LARP1: variants seen among roughly 807,000 people sequenced by gnomAD.
LARP1 encodes La ribonucleoprotein 1, translational regulator, also known as la-related protein 1.
Under a neutral mutation model 122.7 loss-of-function variants are expected in LARP1, and 36 were observed. The ratio of observed to expected loss-of-function variants is 0.29; its 90% CI spans 0.22 to 0.39. The LOEUF (loss-of-function observed/expected upper bound fraction) is 0.39, where lower values mean the gene tolerates loss of function less well. Among genes scored for constraint, LARP1 ranks in the 10% least tolerant of loss-of-function variants. LARP1 has a pLI of 1.00. For missense variants in LARP1, 1,040 were observed against 1,403.6 expected, an observed-to-expected ratio of 0.74 and a Z score of 4.14; for synonymous variants, 539 against 528.7, an observed-to-expected ratio of 1.02 and a Z score of -0.27.
At chr5:154,792,002 A>G (rs1247028822) in intron 3 of LARP1, 1 of 455,492 alleles carries the variant, frequency 2.2e-6, no homozygotes, top group Non-Finnish European at 4.4e-6. Flanking sequence ...CCAAGTGGGG[A>G]TTGGAAGTCA....
chr5:154,786,993 C>T (rs1267862452), intron 1 of LARP1, among the ~76,000 whole-genome samples: 1 of 152,094 alleles, frequency 6.6e-6, no homozygotes, highest in African/African-American at 2.4e-5. Flanking sequence ...GATTCTCCCA[C>T]CTCAGCCTCC....
chr5:154,723,508 G>A (rs187076080), intron 1 of LARP1, among the ~76,000 whole-genome samples: 4 of 152,280 alleles, frequency 2.6e-5, no homozygotes, highest in Admixed American at 1.3e-4. Flanking sequence ...TTTAGGGGTG[G>A]TATAGGCAAA....
chr5:154,739,201 T>C (rs1757082461), intron 1 of LARP1, among the ~76,000 whole-genome samples: 1 of 152,020 alleles, frequency 6.6e-6, no homozygotes, highest in South Asian at 2.1e-4. Context: ...ATTTTTTTTT[T>C]AGTAGAGACG....
At chr5:154,740,105 A>AT (rs962820992) in intron 1 of LARP1, among the ~76,000 whole-genome samples, 4 of 150,396 alleles carry the variant, frequency 2.7e-5, no homozygotes, top group African/African-American at 9.8e-5. Context: ...AAAAAAAAAA[A>AT]AAATAGCTGG....
At chr5:154,772,948 T>A (rs867059092) in intron 1 of LARP1, among the ~76,000 whole-genome samples, 2 of 150,742 alleles carry the variant, frequency 1.3e-5, no homozygotes, top group African/African-American at 2.4e-5. Flanking sequence ...CCCAAAGTGC[T>A]GGGATTACAG....
intron 1 of LARP1, among the ~76,000 whole-genome samples, chr5:154,745,474 TG>T (rs984370786): frequency 2.0e-5 from 3 of 152,208 alleles, no homozygotes; most frequent in African/African-American, 7.2e-5. Context: ...CTAAGTACTT[TG>T]GGTGTATTAA....
At chr5:154,739,698 T>C (rs1418535015) in intron 1 of LARP1, among the ~76,000 whole-genome samples, 3 of 152,148 alleles carry the variant, frequency 2.0e-5, no homozygotes, top group Non-Finnish European at 2.9e-5. Flanking sequence ...CATACCCAGC[T>C]ACGTTGGCTG....
At chr5:154,806,339 G>C (rs1222929160) in intron 15 of LARP1, among the ~76,000 whole-genome samples, 1 of 152,168 alleles carries the variant, frequency 6.6e-6, no homozygotes, top group Non-Finnish European at 1.5e-5. Context: ...GTCAGGTCTA[G>C]TCCACTGTCC....
intron 1 of LARP1, among the ~76,000 whole-genome samples, chr5:154,769,871 G>A (rs1368645894): frequency 6.6e-6 from 1 of 152,174 alleles, no homozygotes; most frequent in Non-Finnish European, 1.5e-5. Context: ...GGATTGATAA[G>A]GAGACTGGTG....
intron 8 of LARP1, among the ~76,000 whole-genome samples, chr5:154,798,306 A>C (rs371866939): frequency 6.6e-6 from 1 of 152,250 alleles, no homozygotes; most frequent in East Asian, 1.9e-4. Context: ...AGAAAAAAGC[A>C]AATGCCTCTA....
In LARP1 at chr5:154,803,350, AC is replaced by A; in HGVS notation, c.2174del (p.Pro725LeufsTer80). On this transcript the variant is annotated frameshift_variant, in exon 12 of 19. Transcript: ENST00000518297. LOFTEE classifies it high-confidence loss of function. This position sits in a 1 kb window ranked among gnomAD's most constrained non-coding sequence, Gnocchi z 4.4. The stretch of plus-strand genomic sequence containing the variant: ...CAGCCGGGAGCAGTTTGACACACTG[AC>A]CCCTGAGCCCCCTGTGGATCCCAAC... ...MISREQFDTL[T>X]PEPPVDPNQE... is the part of the protein sequence containing the mutation. The A allele has an allele frequency of 6.2e-7, 1 of 1,613,918 alleles. No homozygotes were observed. The highest frequency in any genetic ancestry group is 8.5e-7 in the Non-Finnish European group (1 of 1,179,964).
chr5:154,752,917 C>T (rs1427260418), upstream of LARP1, among the ~76,000 whole-genome samples: 1 of 151,262 alleles, frequency 6.6e-6, no homozygotes, highest in African/African-American at 2.4e-5. Context: ...CCAGCCTGGG[C>T]GACAGAGTAA....
At chr5:154,713,274 T>C in intron 1 of LARP1, 1 of 641,202 alleles carries the variant, frequency 1.6e-6, no homozygotes, top group Non-Finnish European at 2.7e-6. Flanking sequence ...TCTCTGAACC[T>C]CACATTCCCC....
chr5:154,757,767 T>C (rs570187380), intron 1 of LARP1, among the ~76,000 whole-genome samples: 2 of 151,210 alleles, frequency 1.3e-5, no homozygotes, highest in African/African-American at 4.8e-5. Flanking sequence ...CAGTCCTTCA[T>C]ACTGTGTTCT....
rs1200935991 is a variant in LARP1 at position 154,816,715 on chromosome 5, G to A, written c.*2619G>A. Reference sequence around the variant, plus strand: ...CACTTCACACCTACCATCGTCCCATGGGGATCCAAGACCTGAGATAAAGCA... The same window carrying A: ...CACTTCACACCTACCATCGTCCCATAGGGATCCAAGACCTGAGATAAAGCA... On this transcript the variant is annotated 3_prime_UTR_variant, in exon 19 of 19. Coordinates refer to ENST00000518297, the MANE Select transcript of LARP1 (RefSeq NM_033551.3). 6.6e-6 allele frequency: 1 copy of A among 152,522 alleles called. No homozygotes were observed. Among genetic ancestry groups the A allele is most frequent in the South Asian group, 2.1e-4 (1 of 4,826 alleles). 9.4% of individuals were successfully genotyped at this position (152,522 alleles called of 1,614,324 possible).
chr5:154,784,193 T>G (rs909186348), intron 1 of LARP1, among the ~76,000 whole-genome samples: 5 of 152,208 alleles, frequency 3.3e-5, no homozygotes, highest in Non-Finnish European at 7.3e-5. Flanking sequence ...AACAAGTGTC[T>G]GCTGTGTTGC....
At chr5:154,755,061 C>T (rs1470798104), upstream of LARP1, among the ~76,000 whole-genome samples, 1 of 152,018 alleles carries the variant, frequency 6.6e-6, no homozygotes. Flanking sequence ...CTCCTATCCC[C>T]GTCAGCGCCC....
At chr5:154,703,209 C>T (rs951040850) in intron 1 of LARP1, among the ~76,000 whole-genome samples, 26 of 148,778 alleles carry the variant, frequency 1.7e-4, no homozygotes, top group African/African-American at 5.4e-4. Flanking sequence ...CTTTTGTAAA[C>T]GGATAGTTTT....
intron 1 of LARP1, among the ~76,000 whole-genome samples, chr5:154,724,025 G>A (rs1053164000): frequency 6.6e-6 from 1 of 152,212 alleles, no homozygotes; most frequent in Non-Finnish European, 1.5e-5. Flanking sequence ...TTCTCAGACT[G>A]TAGTGAGTAT....
Sources: gnomAD v4.1 joint callset for allele counts (sites outside exome capture counted in the v4.1 genomes callset) on GRCh38, gnomAD v4.1.1 for gene constraint, Gnocchi (gnomAD v3.1) non-coding constraint, MANE v1.5 for transcripts, NCBI Gene and HGNC (gene_info 2026-07-23, HGNC 2026-07-21) for gene names.